The following ADGRB3 variants were observed in gnomAD, a reference collection of about 807,000 sequenced individuals.
ADGRB3 encodes adhesion G protein-coupled receptor B3.
ADGRB3 carries 37 observed loss-of-function variants against 193.4 expected under a neutral mutation model. The observed-to-expected ratio is 0.19, with a 90% CI of 0.15 to 0.25. The LOEUF (loss-of-function observed/expected upper bound fraction) is 0.25. Among genes scored for constraint, ADGRB3 ranks in the 10% least tolerant of loss-of-function variants. The pLI is 1.00. For missense variants in ADGRB3, 1,637 were observed against 1,852.9 expected (o/e 0.88, Z 2.14); for synonymous variants, 690 against 644.2 (o/e 1.07, Z -1.08).
At chr6:68,841,744 G>T (rs1768162567) in intron 3 of ADGRB3, among the ~76,000 whole-genome samples, 1 of 152,002 alleles carries the variant, frequency 6.6e-6, no homozygotes. Context: ...TAGAAGAAAA[G>T]AAGTAATAAA....
intron 20 of ADGRB3, among the ~76,000 whole-genome samples, chr6:69,309,714 G>A (rs1768141366): frequency 6.6e-6 from 1 of 151,632 alleles, no homozygotes; most frequent in South Asian, 2.1e-4. Flanking sequence ...TGGCATTAAT[G>A]CATGTGGTCA....
intron 10 of ADGRB3, among the ~76,000 whole-genome samples, chr6:68,980,497 A>G (rs1768878128): frequency 6.6e-6 from 1 of 151,544 alleles, no homozygotes; most frequent in Admixed American, 6.6e-5. Context: ...TTTGGTCACC[A>G]TCTGATTGCA....
At chr6:68,656,053 G>A (rs1449328325) in intron 3 of ADGRB3, among the ~76,000 whole-genome samples, 2 of 151,500 alleles carry the variant, frequency 1.3e-5, no homozygotes, top group Non-Finnish European at 3.0e-5. Flanking sequence ...TGTATTGAAT[G>A]CCTTTTTCCT....
chr6:68,872,164 G>A (rs1396227631), intron 3 of ADGRB3, among the ~76,000 whole-genome samples: 1 of 152,114 alleles, frequency 6.6e-6, no homozygotes, highest in Admixed American at 6.5e-5. Flanking sequence ...TCCAAATATT[G>A]TACAGGCAAT....
chr6:68,917,577 A>G (rs536737138), intron 3 of ADGRB3, among the ~76,000 whole-genome samples: 1 of 152,230 alleles, frequency 6.6e-6, no homozygotes, highest in Admixed American at 6.5e-5. Context: ...GGTACTAATA[A>G]CTCAATATTG....
chr6:69,143,677 A>G (rs1021665549), intron 17 of ADGRB3, among the ~76,000 whole-genome samples: 12 of 152,196 alleles, frequency 7.9e-5, no homozygotes, highest in African/African-American at 2.7e-4. Flanking sequence ...CCTTTGTGGT[A>G]AATGAGTTCA....
chr6:68,973,373 T>C (rs758168452), intron 8 of ADGRB3, among the ~76,000 whole-genome samples: 12 of 152,222 alleles, frequency 7.9e-5, no homozygotes, highest in Non-Finnish European at 4.4e-5. Flanking sequence ...TCATCTTATC[T>C]TGGGTAATTA....
At chr6:69,145,132 C>T (rs1000012128) in intron 17 of ADGRB3, among the ~76,000 whole-genome samples, 1 of 152,140 alleles carries the variant, frequency 6.6e-6, no homozygotes, top group East Asian at 1.9e-4. Flanking sequence ...CCCACTGGGC[C>T]CACTCAGCCT....
At chr6:69,357,181 A>G (rs1769354494) in intron 28 of ADGRB3, among the ~76,000 whole-genome samples, 1 of 152,028 alleles carries the variant, frequency 6.6e-6, no homozygotes, top group African/African-American at 2.4e-5. Flanking sequence ...AAATATATAC[A>G]TGTTCACCCA....
At chr6:68,995,585 G>T (rs1769361207) in intron 11 of ADGRB3, among the ~76,000 whole-genome samples, 1 of 152,138 alleles carries the variant, frequency 6.6e-6, no homozygotes, top group East Asian at 1.9e-4. Flanking sequence ...TAATTATCTT[G>T]TTTCATTTTA....
chr6:69,378,327 C>A (rs1769873561), intron 30 of ADGRB3, among the ~76,000 whole-genome samples: 1 of 151,988 alleles, frequency 6.6e-6, no homozygotes, highest in Non-Finnish European at 1.5e-5. Context: ...CCTGAATAGT[C>A]TAAAGAAGAG....
At chr6:68,747,063 C>T (rs1766099353) in intron 3 of ADGRB3, among the ~76,000 whole-genome samples, 1 of 151,774 alleles carries the variant, frequency 6.6e-6, no homozygotes, top group African/African-American at 2.4e-5. Context: ...GTCAGTGAGC[C>T]CCTTGGAAAC....
Position 68,772,820 on chromosome 6 carries a change from C to A in ADGRB3, c.757+133388C>A, listed in dbSNP as rs1248362644. The stretch of plus-strand genomic sequence containing the variant: ...ATCACTTGAGCCCAGGAGTTTAAGA[C>A]CACCCTGGGCAACATGGTGAAAACC... On this transcript the variant is annotated intron_variant, in intron 3 of 31. Coordinates refer to ENST00000370598, the MANE Select transcript of ADGRB3 (RefSeq NM_001704.3). Among the ~76,000 whole-genome samples the A allele has an allele frequency of 2.1e-5, 3 of 144,974 alleles. No individual in the cohort carries two copies. In the East Asian group the frequency reaches 6.2e-4, roughly 30 times the overall value.
At chr6:69,000,513 T>TAA (rs1377653936) in intron 11 of ADGRB3, among the ~76,000 whole-genome samples, 2 of 152,214 alleles carry the variant, frequency 1.3e-5, no homozygotes, top group African/African-American at 4.8e-5. Context: ...AGGTATAGGA[T>TAA]AACTTTGTTG....
chr6:68,825,924 T>C (rs947312001), intron 3 of ADGRB3, among the ~76,000 whole-genome samples: 1 of 152,160 alleles, frequency 6.6e-6, no homozygotes, highest in African/African-American at 2.4e-5. Context: ...AATGGACAAA[T>C]ACAACCACTT....
intron 3 of ADGRB3, among the ~76,000 whole-genome samples, chr6:68,834,251 T>C (rs1329678371): frequency 6.6e-6 from 1 of 152,144 alleles, no homozygotes; most frequent in African/African-American, 2.4e-5. Flanking sequence ...AATGCTGTGC[T>C]GCACGTAATT....
intron 3 of ADGRB3, among the ~76,000 whole-genome samples, chr6:68,668,660 T>C (rs1281498760): frequency 6.6e-6 from 1 of 151,970 alleles, no homozygotes; most frequent in African/African-American, 2.4e-5. Context: ...TTCTTAAGTT[T>C]GGAATGGTGG....
chr6:69,047,491 GAC>G (rs1771271803), intron 13 of ADGRB3, among the ~76,000 whole-genome samples: 1 of 150,548 alleles, frequency 6.6e-6, no homozygotes, highest in South Asian at 2.1e-4. Context: ...TGGTATTAAG[GAC>G]ACAATTCTCT....
At chr6:68,981,102 C>T (rs899812105) in intron 10 of ADGRB3, among the ~76,000 whole-genome samples, 1 of 151,630 alleles carries the variant, frequency 6.6e-6, no homozygotes, top group Non-Finnish European at 1.5e-5. Context: ...CATTTTACTG[C>T]CTTTTAATTC....
Sources: gnomAD v4.1 joint callset for allele counts (sites outside exome capture counted in the v4.1 genomes callset) on GRCh38, gnomAD v4.1.1 for gene constraint, MANE v1.5 for transcripts, NCBI Gene and HGNC (gene_info 2026-07-23, HGNC 2026-07-21) for gene names.